The following CNTNAP5 variants were observed in gnomAD, a reference collection of about 807,000 sequenced individuals.
CNTNAP5 encodes the protein contactin-associated protein-like 5.
Under a neutral mutation model 150.2 loss-of-function variants are expected in CNTNAP5, and 72 were observed. The observed-to-expected ratio is 0.48, with a 90% CI of 0.40 to 0.58. The LOEUF is 0.58. Ranked by LOEUF, CNTNAP5 falls within the 20% of genes least tolerant of loss-of-function variation. CNTNAP5 has a pLI of 0.00. For synonymous variants in CNTNAP5, 672 were observed against 619.8 expected, an observed-to-expected ratio of 1.08 and a Z score of -1.25; for missense variants, 1,636 against 1,626.2, an observed-to-expected ratio of 1.01 and a Z score of -0.10.
chr2:124,101,549 C>T (rs768267633), intron 1 of CNTNAP5, among the ~76,000 whole-genome samples: 5 of 152,180 alleles, frequency 3.3e-5, no homozygotes, highest in Admixed American at 6.5e-5. Context: ...ATTTACATCA[C>T]GAATCCCAAA....
chr2:124,622,570 A>T (rs1258203795), intron 12 of CNTNAP5, among the ~76,000 whole-genome samples: 2 of 151,894 alleles, frequency 1.3e-5, no homozygotes, highest in Non-Finnish European at 2.9e-5. Flanking sequence ...TGGGCGAACT[A>T]ATTTATACTC....
At chr2:124,588,689 G>A (rs1696610643) in intron 11 of CNTNAP5, among the ~76,000 whole-genome samples, 1 of 152,036 alleles carries the variant, frequency 6.6e-6, no homozygotes. Context: ...TCAGGGTGAC[G>A]TCAATGTAAT....
intron 18 of CNTNAP5, among the ~76,000 whole-genome samples, chr2:124,791,383 T>C (rs1200589596): frequency 1.3e-5 from 2 of 152,210 alleles, no homozygotes; most frequent in East Asian, 3.9e-4. Flanking sequence ...TAAAACAGTT[T>C]CCATTCCAGG....
chr2:124,149,797 C>T (rs1418595721), intron 1 of CNTNAP5, among the ~76,000 whole-genome samples: 1 of 152,148 alleles, frequency 6.6e-6, no homozygotes, highest in Non-Finnish European at 1.5e-5. Context: ...CTGAACAGCT[C>T]GCAGCTGGCC....
chr2:124,255,320 C>T (rs990867234), intron 3 of CNTNAP5, among the ~76,000 whole-genome samples: 6 of 151,832 alleles, frequency 4.0e-5, no homozygotes, highest in African/African-American at 1.2e-4. Context: ...GTCAGGAAAT[C>T]GAGACAATCC....
At chr2:124,217,910 T>A (rs897863664) in intron 1 of CNTNAP5, among the ~76,000 whole-genome samples, 1 of 152,094 alleles carries the variant, frequency 6.6e-6, no homozygotes, top group Non-Finnish European at 1.5e-5. Context: ...AAACTTAGTA[T>A]ACCTGAATGT....
At chr2:124,026,456 A>G (rs1243685139) in intron 1 of CNTNAP5, among the ~76,000 whole-genome samples, 2 of 152,096 alleles carry the variant, frequency 1.3e-5, no homozygotes, top group African/African-American at 4.8e-5. Flanking sequence ...AGGACATTTA[A>G]TTTAATAGGC....
chr2:124,551,048 G>C (rs578189650), intron 10 of CNTNAP5, among the ~76,000 whole-genome samples: 11 of 152,166 alleles, frequency 7.2e-5, no homozygotes, highest in Non-Finnish European at 8.8e-5. Flanking sequence ...GTGTGCGGTA[G>C]AGTAGAGAGA....
chr2:124,323,048 A>C (rs1689136496), intron 3 of CNTNAP5, among the ~76,000 whole-genome samples: 1 of 151,932 alleles, frequency 6.6e-6, no homozygotes, highest in South Asian at 2.1e-4. Flanking sequence ...GAGGCTGGAA[A>C]CTCCGAGATT....
At chr2:124,862,230 C>G (rs1558804626) in intron 19 of CNTNAP5, among the ~76,000 whole-genome samples, 1 of 152,086 alleles carries the variant, frequency 6.6e-6, no homozygotes, top group Non-Finnish European at 1.5e-5. Flanking sequence ...TGATGTGTGT[C>G]CTTTATAGTG....
At chr2:124,046,994 C>T (rs2104638265) in intron 1 of CNTNAP5, among the ~76,000 whole-genome samples, 1 of 152,246 alleles carries the variant, frequency 6.6e-6, no homozygotes, top group Non-Finnish European at 1.5e-5. Context: ...ATTCCTAGAA[C>T]AGCTTTGAGA....
At chr2:124,191,417 A>G (rs575550467) in intron 1 of CNTNAP5, among the ~76,000 whole-genome samples, 9 of 152,312 alleles carry the variant, frequency 5.9e-5, no homozygotes, top group African/African-American at 2.2e-4. Flanking sequence ...TGCCAAACAG[A>G]CTTTCATAAA....
chr2:124,275,667 T>C (rs907694792), intron 3 of CNTNAP5, among the ~76,000 whole-genome samples: 5 of 152,134 alleles, frequency 3.3e-5, no homozygotes, highest in African/African-American at 1.2e-4. Flanking sequence ...TCTTGACCCA[T>C]GGTTTTTCTT....
At chr2:124,505,632 A>G (rs979387811) in intron 8 of CNTNAP5, among the ~76,000 whole-genome samples, 3 of 152,122 alleles carry the variant, frequency 2.0e-5, no homozygotes. Context: ...CGGTGAACAA[A>G]TTGTATTTCT....
chr2:124,655,846 A>G (rs1283103729), intron 13 of CNTNAP5, among the ~76,000 whole-genome samples: 2 of 151,486 alleles, frequency 1.3e-5, no homozygotes, highest in Non-Finnish European at 2.9e-5. Flanking sequence ...GGCTGCAGTG[A>G]GCTATAATTG....
chr2:124,369,804 T>G (rs1690473951), intron 3 of CNTNAP5, among the ~76,000 whole-genome samples: 1 of 152,174 alleles, frequency 6.6e-6, no homozygotes, highest in Non-Finnish European at 1.5e-5. Flanking sequence ...CTATATCTAT[T>G]GTGCACATCA....
chr2:124,159,502 T>C (rs933127938), intron 1 of CNTNAP5, among the ~76,000 whole-genome samples: 3 of 152,218 alleles, frequency 2.0e-5, no homozygotes, highest in African/African-American at 7.2e-5. Context: ...TTGCCAGTTC[T>C]TGTTTTTAAT....
At chr2:124,547,789 C>T (rs1381620290) in intron 10 of CNTNAP5, among the ~76,000 whole-genome samples, 1 of 152,148 alleles carries the variant, frequency 6.6e-6, no homozygotes, top group Non-Finnish European at 1.5e-5. Context: ...ACAATTCCTG[C>T]CACGGGAGGA....
At chr2:124,622,056 C>T (rs1288818957) in intron 12 of CNTNAP5, among the ~76,000 whole-genome samples, 1 of 152,006 alleles carries the variant, frequency 6.6e-6, no homozygotes, top group African/African-American at 2.4e-5. Flanking sequence ...CACAGATCAC[C>T]CCATCACCTA....
Sources: allele counts gnomAD v4.1 joint callset (sites outside exome capture counted in the v4.1 genomes callset), GRCh38; gene constraint gnomAD v4.1.1; transcripts MANE v1.5; gene names NCBI Gene and HGNC (gene_info 2026-07-23, HGNC 2026-07-21).